The following NRXN3 variants were observed in gnomAD, a reference collection of about 807,000 sequenced individuals.
The protein encoded by NRXN3 is neurexin III.
In NRXN3, 32 loss-of-function variants were observed where a neutral mutation model predicts 137.6. The ratio of observed to expected loss-of-function variants is 0.23; its 90% CI spans 0.18 to 0.31. NRXN3 has a LOEUF of 0.31. Among genes scored for constraint, NRXN3 ranks in the 10% least tolerant of loss-of-function variants. The pLI is 1.00. For synonymous variants in NRXN3, 798 were observed against 784.5 expected, an observed-to-expected ratio of 1.02 and a Z score of -0.29; for missense variants, 1,574 against 2,062.5, an observed-to-expected ratio of 0.76 and a Z score of 4.59.
intron 4 of NRXN3, among the ~76,000 whole-genome samples, chr14:78,532,778 C>A (rs986792653): frequency 6.6e-6 from 1 of 151,850 alleles, no homozygotes; most frequent in African/African-American, 2.4e-5. Flanking sequence ...TCATTCATTA[C>A]ACAACTCATT....
intron 4 of NRXN3, among the ~76,000 whole-genome samples, chr14:78,487,984 A>C (rs1316320195): frequency 1.3e-5 from 2 of 152,124 alleles, no homozygotes; most frequent in Non-Finnish European, 2.9e-5. Flanking sequence ...GGACTTGAAC[A>C]ACAGAAATTC....
At chr14:79,559,053 G>A (rs144094408) in intron 16 of NRXN3, among the ~76,000 whole-genome samples, 6 of 152,208 alleles carry the variant, frequency 3.9e-5, no homozygotes, top group African/African-American at 1.4e-4. Context: ...CTAGGGCCTT[G>A]TTCTGGGTTA....
Position 79,176,032 on chromosome 14 carries a change from C to G in NRXN3, c.3262+187891C>G, listed in dbSNP as rs550327540. Among the ~76,000 whole-genome samples, 4 of 152,262 alleles carry G rather than the reference C, an allele frequency of 2.6e-5. No homozygotes were observed. The South Asian group carries it at 8.3e-4, about 32-fold the overall frequency. On this transcript the variant is annotated intron_variant, in intron 15 of 20. Coordinates refer to ENST00000335750, the MANE Select transcript of NRXN3 (RefSeq NM_001330195.2). ...GAACTAAAGGAAGACAAAAACCAAA[C>G]CAAACCAAACAGAAAGCAATGCATT...
intron 15 of NRXN3, among the ~76,000 whole-genome samples, chr14:79,438,355 C>T (rs182709173): frequency 2.4e-4 from 37 of 152,292 alleles, no homozygotes; most frequent in Admixed American, 9.2e-4. Flanking sequence ...ACGAGACAAA[C>T]CAAACTTGGT....
At chr14:79,586,214 T>C (rs2097764478) in intron 16 of NRXN3, among the ~76,000 whole-genome samples, 1 of 152,228 alleles carries the variant, frequency 6.6e-6, no homozygotes, top group Non-Finnish European at 1.5e-5. Context: ...TGAACAAATG[T>C]ATTATAACTT....
intron 20 of NRXN3, among the ~76,000 whole-genome samples, chr14:79,856,613 T>C (rs2099403115): frequency 2.8e-5 from 3 of 109,024 alleles, no homozygotes; most frequent in African/African-American, 1.0e-4. Context: ...GCTTGTTTTT[T>C]TGTTCTTTTT....
intron 4 of NRXN3, among the ~76,000 whole-genome samples, chr14:78,508,327 A>G (rs2096036157): frequency 6.6e-6 from 1 of 152,214 alleles, no homozygotes; most frequent in African/African-American, 2.4e-5. Flanking sequence ...ACTCAAAGTC[A>G]CTGCCATTAT....
chr14:79,466,627 A>G (rs2096429488), intron 15 of NRXN3, among the ~76,000 whole-genome samples: 1 of 152,076 alleles, frequency 6.6e-6, no homozygotes, highest in African/African-American at 2.4e-5. Context: ...TTTTGTTACC[A>G]TGTTTATAGC....
At chr14:78,944,961 T>G (rs2099362306) in intron 10 of NRXN3, among the ~76,000 whole-genome samples, 2 of 152,274 alleles carry the variant, frequency 1.3e-5, no homozygotes, top group South Asian at 4.2e-4. Flanking sequence ...TCTTATGAAG[T>G]TTTAAATGTG....
intron 2 of NRXN3, among the ~76,000 whole-genome samples, chr14:78,252,251 T>C (rs1322930130): frequency 1.3e-5 from 2 of 152,064 alleles, no homozygotes; most frequent in Non-Finnish European, 1.5e-5. Context: ...AGTTGCACTC[T>C]GTGACAAAAC....
intron 15 of NRXN3, among the ~76,000 whole-genome samples, chr14:79,017,790 A>T (rs540063873): frequency 1.3e-5 from 2 of 152,222 alleles, no homozygotes; most frequent in South Asian, 4.1e-4. Flanking sequence ...AAGCACCTGA[A>T]ACCCAGTCTG....
intron 4 of NRXN3, among the ~76,000 whole-genome samples, chr14:78,320,836 G>A (rs759634760): frequency 6.6e-6 from 1 of 151,848 alleles, no homozygotes; most frequent in Non-Finnish European, 1.5e-5. Flanking sequence ...ACCCAGCCCT[G>A]GCTGGGTGCG....
intron 15 of NRXN3, among the ~76,000 whole-genome samples, chr14:79,148,065 G>A (rs149970796): frequency 6.6e-6 from 1 of 152,160 alleles, no homozygotes; most frequent in African/African-American, 2.4e-5. Context: ...ATGTATTCTG[G>A]TCACCGTTCT....
At chr14:78,431,577 A>G (rs924116662) in intron 4 of NRXN3, among the ~76,000 whole-genome samples, 1 of 152,134 alleles carries the variant, frequency 6.6e-6, no homozygotes, top group African/African-American at 2.4e-5. Context: ...AAAGAAAGAC[A>G]AAGGGGAGGG....
intron 15 of NRXN3, among the ~76,000 whole-genome samples, chr14:79,264,086 T>G (rs1032366145): frequency 1.3e-5 from 2 of 152,178 alleles, no homozygotes; most frequent in Admixed American, 1.3e-4. Context: ...ATTTATTTTA[T>G]TTTTTATTTT....
At chr14:78,419,553 C>A (rs11159360) in intron 4 of NRXN3, among the ~76,000 whole-genome samples, 151,858 of 152,254 alleles carry the variant, frequency 1, 75,732 homozygotes, top group Non-Finnish European at 1. Flanking sequence ...TTATCCCATC[C>A]ATCCAGATCT....
intron 19 of NRXN3, among the ~76,000 whole-genome samples, chr14:79,777,818 T>TA (rs540266808): frequency 4.0e-5 from 6 of 149,636 alleles, no homozygotes; most frequent in Non-Finnish European, 5.9e-5. Context: ...ATTGACAATA[T>TA]AAAAAAAAAT....
intron 16 of NRXN3, among the ~76,000 whole-genome samples, chr14:79,591,413 T>C (rs2097802210): frequency 6.6e-6 from 1 of 152,228 alleles, no homozygotes; most frequent in African/African-American, 2.4e-5. Context: ...AAAATATCCG[T>C]ACAAAGAGTT....
At chr14:78,838,828 C>T (rs1480274848) in intron 10 of NRXN3, among the ~76,000 whole-genome samples, 2 of 152,020 alleles carry the variant, frequency 1.3e-5, no homozygotes, top group African/African-American at 2.4e-5. Flanking sequence ...TCTTTCTGGC[C>T]AAGAGCTGTG....
Sources: allele counts gnomAD v4.1 joint callset (sites outside exome capture counted in the v4.1 genomes callset), GRCh38; gene constraint gnomAD v4.1.1; transcripts MANE v1.5; gene names NCBI Gene and HGNC (gene_info 2026-07-23, HGNC 2026-07-21).